Variants in TRAPPC9 observed in about 807,000 individuals in gnomAD.
TRAPPC9 encodes trafficking protein particle complex subunit 9.
In TRAPPC9, 83 loss-of-function variants were observed where a neutral mutation model predicts 124.0. That is an observed-to-expected ratio of 0.67 (90% CI 0.56 to 0.80). The LOEUF is 0.80. TRAPPC9 is among the 30% of genes least tolerant of loss of function. The probability of loss-of-function intolerance (pLI) is 0.00; values close to 1 mark genes in which losing one functional copy is unlikely to be tolerated. For synonymous variants in TRAPPC9, 638 were observed against 617.5 expected (o/e 1.03, Z -0.49); for missense variants, 1,302 against 1,508.3 (o/e 0.86, Z 2.27).
chr8:140,219,750 G>T (rs1390893141), intron 17 of TRAPPC9, among the ~76,000 whole-genome samples: 1 of 152,210 alleles, frequency 6.6e-6, no homozygotes, highest in East Asian at 1.9e-4. Flanking sequence ...GAGCCTGTTG[G>T]TCCCACAACG....
intron 17 of TRAPPC9, among the ~76,000 whole-genome samples, chr8:140,157,064 C>CT (rs1394387242): frequency 0.011 from 586 of 54,062 alleles, 24 homozygotes; most frequent in Non-Finnish European, 0.016. Flanking sequence ...AAAAGCCTCC[C>CT]TTTCCATTCA....
At chr8:140,139,552 T>C (rs2061352750) in intron 17 of TRAPPC9, among the ~76,000 whole-genome samples, 1 of 152,148 alleles carries the variant, frequency 6.6e-6, no homozygotes, top group African/African-American at 2.4e-5. Flanking sequence ...AACAGCAGAA[T>C]GAATCCACTG....
intron 19 of TRAPPC9, among the ~76,000 whole-genome samples, chr8:139,988,285 G>GT (rs1307217983): frequency 6.6e-6 from 1 of 151,668 alleles, no homozygotes; most frequent in Non-Finnish European, 1.5e-5. Flanking sequence ...GGTAGTTTTT[G>GT]TATTTTTAGT....
chr8:140,332,725 T>C (rs1433057309), intron 9 of TRAPPC9, among the ~76,000 whole-genome samples: 2 of 152,176 alleles, frequency 1.3e-5, no homozygotes, highest in Non-Finnish European at 2.9e-5. Context: ...AGCAGCATAA[T>C]GCAAATTTAT....
chr8:140,371,299 G>A (rs910777363), intron 7 of TRAPPC9, 119 bp from the exon 8 acceptor site: 6 of 1,133,100 alleles, frequency 5.3e-6, no homozygotes, highest in Admixed American at 2.0e-5. Flanking sequence ...GGAGAATCAA[G>A]GAGAGGGAAA....
chr8:139,762,264 A>G (rs1820288587), intron 21 of TRAPPC9, among the ~76,000 whole-genome samples: 1 of 152,134 alleles, frequency 6.6e-6, no homozygotes, highest in Admixed American at 6.5e-5. Flanking sequence ...CTGAGAACCC[A>G]AAGAATGATG....
intron 20 of TRAPPC9, among the ~76,000 whole-genome samples, chr8:139,886,670 A>G (rs962838421): frequency 1.3e-5 from 2 of 152,238 alleles, no homozygotes; most frequent in African/African-American, 4.8e-5. Flanking sequence ...AGTGACTGCA[A>G]AAGTGGAGAA....
chr8:140,272,902 C>G (rs2065003222), intron 15 of TRAPPC9, among the ~76,000 whole-genome samples: 1 of 150,240 alleles, frequency 6.7e-6, no homozygotes, highest in South Asian at 2.2e-4. Context: ...GATGATACTT[C>G]AACATGAGAG....
In TRAPPC9 at chr8:140,065,098, T is replaced by C. The variant is rs548565030; in HGVS notation, c.2557-41019A>G. ...GAAGACATTATATCCATATGCTTAA[T>C]ACAACTTGTATTGATGCTCCTTACC... On this transcript the variant is annotated intron_variant, in intron 17 of 22. Coordinates refer to ENST00000438773, the MANE Select transcript of TRAPPC9 (RefSeq NM_001160372.4). 5.9e-5 allele frequency among the ~76,000 whole-genome samples: 9 copies of C among 152,352 alleles called. No homozygotes were observed. The East Asian group carries it at 1.2e-3, about 20-fold the overall frequency.
intron 19 of TRAPPC9, among the ~76,000 whole-genome samples, chr8:139,923,417 C>T (rs1376373719): frequency 1.3e-5 from 2 of 152,170 alleles, no homozygotes; most frequent in African/African-American, 2.4e-5. Context: ...GGGAGCTGCA[C>T]GGGCCTCTGC....
intron 10 of TRAPPC9, among the ~76,000 whole-genome samples, chr8:140,306,307 AAC>A (rs1411180263): frequency 6.6e-6 from 1 of 152,098 alleles, no homozygotes; most frequent in African/African-American, 2.4e-5. Context: ...CAGCCTGGCG[AAC>A]ACAGTGAAAC....
In TRAPPC9 at chr8:140,048,984, G is replaced by A. The variant is rs115822782; in HGVS notation, c.2557-24905C>T. Among the ~76,000 whole-genome samples the A allele has an allele frequency of 2.4e-3, 365 of 152,254 alleles. 2 individuals are homozygous for A. The highest frequency in any genetic ancestry group is 8.0e-3 in the African/African-American group (334 of 41,530). ...AGAAATGTTTACCAAAAGGAAACAC[G>A]AGAAGCTGAGGCGGAAGGAAGGCGG... On this transcript the variant is annotated intron_variant, in intron 17 of 22. Transcript: ENST00000438773.
At chr8:140,275,371 G>C (rs1032790407) in intron 15 of TRAPPC9, among the ~76,000 whole-genome samples, 8 of 152,178 alleles carry the variant, frequency 5.3e-5, no homozygotes, top group African/African-American at 2.4e-5. Context: ...TGGATGCTGA[G>C]GTCTGGGAAA....
chr8:140,039,247 A>T (rs1841110663), intron 17 of TRAPPC9, among the ~76,000 whole-genome samples: 1 of 152,248 alleles, frequency 6.6e-6, no homozygotes, highest in African/African-American at 2.4e-5. Context: ...ATAAACGTGA[A>T]GTTCATTTAC....
At chr8:140,349,194 A>T in intron 9 of TRAPPC9, among the ~76,000 whole-genome samples, 1 of 117,302 alleles carries the variant, frequency 8.5e-6, no homozygotes, top group Non-Finnish European at 1.7e-5. Context: ...CAGGGGGCCG[A>T]AGGAGGCGGG....
At chr8:140,189,958 C>T (rs529071368) in intron 17 of TRAPPC9, among the ~76,000 whole-genome samples, 1 of 152,296 alleles carries the variant, frequency 6.6e-6, no homozygotes, top group East Asian at 1.9e-4. Context: ...CTCCATAGCT[C>T]TCTCATCTAT....
intron 19 of TRAPPC9, among the ~76,000 whole-genome samples, chr8:139,981,833 G>A (rs1035790971): frequency 2.6e-5 from 4 of 152,168 alleles, no homozygotes; most frequent in African/African-American, 7.2e-5. Context: ...CATGATCCAC[G>A]TGGATGCTCT....
chr8:140,360,240 C>T, intron 8 of TRAPPC9, 47 bp from the exon 9 acceptor site: 1 of 1,612,546 alleles, frequency 6.2e-7, no homozygotes, highest in Non-Finnish European at 8.5e-7. Flanking sequence ...GGAGAGGGTA[C>T]AGGAAATACG....
At chr8:139,794,561 C>T (rs1822917317) in intron 21 of TRAPPC9, among the ~76,000 whole-genome samples, 1 of 152,192 alleles carries the variant, frequency 6.6e-6, no homozygotes, top group South Asian at 2.1e-4. Context: ...ACTTCAGGGA[C>T]ACACTTAGGG....
Sources: allele counts gnomAD v4.1 joint callset (sites outside exome capture counted in the v4.1 genomes callset), GRCh38; gene constraint gnomAD v4.1.1; transcripts MANE v1.5; gene names NCBI Gene and HGNC (gene_info 2026-07-23, HGNC 2026-07-21).